FER: variants seen among roughly 807,000 people sequenced by gnomAD.
The protein encoded by FER is FER tyrosine kinase, also known as tyrosine-protein kinase Fer.
FER carries 63 observed loss-of-function variants against 111.0 expected under a neutral mutation model. That is an observed-to-expected ratio of 0.57 (90% CI 0.46 to 0.70). The LOEUF (loss-of-function observed/expected upper bound fraction) is 0.70. FER is among the 30% of genes least tolerant of loss of function. The pLI, the probability that FER is intolerant of heterozygous loss-of-function variation, is 0.00. For synonymous variants in FER, 327 were observed against 313.9 expected (o/e 1.04, Z -0.44); for missense variants, 914 against 954.0 (o/e 0.96, Z 0.55).
chr5:108,785,342 T>TG, intron 2 of FER: 1 of 572,746 alleles, frequency 1.7e-6, no homozygotes, highest in Admixed American at 2.0e-5. Context: ...CAACTGCTAC[T>TG]GGCTCTGTGC....
chr5:108,800,744 A>T (rs893456711), intron 3 of FER, among the ~76,000 whole-genome samples: 1 of 152,320 alleles, frequency 6.6e-6, no homozygotes, highest in South Asian at 2.1e-4. Flanking sequence ...TTCGTATTAT[A>T]TCTTAAAAAA....
chr5:108,829,484 A>G (rs892800796), intron 3 of FER, among the ~76,000 whole-genome samples: 1 of 152,094 alleles, frequency 6.6e-6, no homozygotes, highest in South Asian at 2.1e-4. Context: ...CTAAAAATCA[A>G]AATAATTAGC....
At chr5:108,988,995 C>T (rs779736046) in intron 13 of FER, among the ~76,000 whole-genome samples, 56 of 152,050 alleles carry the variant, frequency 3.7e-4, no homozygotes, top group African/African-American at 1.3e-3. Context: ...TGTTATTGTT[C>T]GTTCAAAGAA....
chr5:108,792,819 ATAATT>A (rs1755535972), intron 2 of FER, among the ~76,000 whole-genome samples: 1 of 151,794 alleles, frequency 6.6e-6, no homozygotes, highest in Non-Finnish European at 1.5e-5. Flanking sequence ...TTGTATAAAT[ATAATT>A]TATTTTGTAT....
intron 5 of FER, among the ~76,000 whole-genome samples, chr5:108,861,092 A>G (rs1184414694): frequency 4.6e-5 from 7 of 152,206 alleles, no homozygotes; most frequent in Admixed American, 3.3e-4. Context: ...GAGCCAAACC[A>G]TATTAACAAG....
At chr5:108,971,087 A>G (rs1440047462) in intron 13 of FER, among the ~76,000 whole-genome samples, 2 of 152,058 alleles carry the variant, frequency 1.3e-5, no homozygotes, top group East Asian at 3.8e-4. Context: ...ATTCATTGGC[A>G]CACTTAACAG....
intron 16 of FER, among the ~76,000 whole-genome samples, chr5:109,088,464 T>G (rs990836922): frequency 1.3e-5 from 2 of 152,064 alleles, no homozygotes; most frequent in Admixed American, 6.6e-5. Flanking sequence ...CAGGTACAAA[T>G]AGAATCATCT....
At chr5:109,039,136 G>A (rs76621156) in intron 14 of FER, among the ~76,000 whole-genome samples, 2 of 151,614 alleles carry the variant, frequency 1.3e-5, no homozygotes, top group Non-Finnish European at 2.9e-5. Context: ...GGCTAATTAA[G>A]ACAATTAGCC....
Position 108,919,106 on chromosome 5 carries a change from TA to T in FER, c.1236+21264del, listed in dbSNP as rs201363799. On this transcript the variant is annotated intron_variant, in intron 10 of 19. Coordinates refer to ENST00000281092, the MANE Select transcript of FER (RefSeq NM_005246.4). ...TTGAAATCACTTCCCTTTTTAGGATTAAAAAATATTACTGATGATTGAAGGG... is the reference window on the plus strand; with the variant it reads ...TTGAAATCACTTCCCTTTTTAGGATTAAAAATATTACTGATGATTGAAGGG... 2.0e-5 allele frequency among the ~76,000 whole-genome samples: 3 copies of T among 152,308 alleles called. No individual in the cohort carries two copies. In the South Asian group the frequency reaches 6.2e-4, roughly 32 times the overall value.
intron 17 of FER, among the ~76,000 whole-genome samples, chr5:109,144,616 T>G (rs1753878502): frequency 6.6e-6 from 1 of 152,082 alleles, no homozygotes; most frequent in African/African-American, 2.4e-5. Context: ...GGGTTTTCTT[T>G]GGTTTGGTTT....
chr5:109,007,646 C>T (rs1377887566), intron 13 of FER, among the ~76,000 whole-genome samples: 2 of 152,126 alleles, frequency 1.3e-5, no homozygotes, highest in African/African-American at 2.4e-5. Context: ...TTGTGATGTA[C>T]CACCATTTGT....
chr5:109,020,957 A>T (rs1767844124), intron 13 of FER, among the ~76,000 whole-genome samples: 1 of 152,060 alleles, frequency 6.6e-6, no homozygotes. Flanking sequence ...TAAAGATAGC[A>T]TGTTGTTGGT....
chr5:108,800,299 A>G (rs912438947), intron 3 of FER, among the ~76,000 whole-genome samples: 2 of 152,214 alleles, frequency 1.3e-5, no homozygotes, highest in African/African-American at 4.8e-5. Flanking sequence ...ACATTAAATT[A>G]ACAGTTGAAC....
intron 3 of FER, chr5:108,819,713 C>A: frequency 1.2e-6 from 1 of 814,836 alleles, no homozygotes; most frequent in Non-Finnish European, 1.5e-6. Flanking sequence ...TGGAGACCAT[C>A]AATTCCACCT....
intron 13 of FER, among the ~76,000 whole-genome samples, chr5:109,008,562 A>T (rs1765791446): frequency 6.6e-6 from 1 of 152,092 alleles, no homozygotes; most frequent in South Asian, 2.1e-4. Context: ...TAGTTAACTC[A>T]TCTATCTTGT....
intron 16 of FER, among the ~76,000 whole-genome samples, chr5:109,094,241 A>G (rs909553759): frequency 1.3e-5 from 2 of 152,098 alleles, no homozygotes; most frequent in African/African-American, 4.8e-5. Context: ...AACAGAGTGA[A>G]AAGTAAAATA....
At chr5:108,905,738 T>A (rs577050005) in intron 10 of FER, among the ~76,000 whole-genome samples, 1 of 152,322 alleles carries the variant, frequency 6.6e-6, no homozygotes, top group Admixed American at 6.5e-5. Context: ...TTTAAACTTG[T>A]GTTTAGCAGT....
chr5:108,803,476 AAATCTTT>A (rs1309282483), intron 3 of FER, among the ~76,000 whole-genome samples: 1 of 152,150 alleles, frequency 6.6e-6, no homozygotes, highest in Non-Finnish European at 1.5e-5. Flanking sequence ...TCTTACATTT[AAATCTTT>A]AATCCATTCT....
At chr5:109,003,841 A>T (rs1309760401) in intron 13 of FER, among the ~76,000 whole-genome samples, 1 of 152,046 alleles carries the variant, frequency 6.6e-6, no homozygotes. Flanking sequence ...TTTGCTGGGC[A>T]TGGTGGCGCA....
Sources: gnomAD v4.1 joint callset for allele counts (sites outside exome capture counted in the v4.1 genomes callset) on GRCh38, gnomAD v4.1.1 for gene constraint, MANE v1.5 for transcripts, NCBI Gene and HGNC (gene_info 2026-07-23, HGNC 2026-07-21) for gene names.